ZNF292: variants seen among roughly 807,000 people sequenced by gnomAD.
The protein encoded by ZNF292 is 16 zinc-finger domain protein.
In ZNF292, 26 loss-of-function variants were observed where a neutral mutation model predicts 217.9. That is an observed-to-expected ratio of 0.12 (90% CI 0.09 to 0.17). ZNF292 has a LOEUF of 0.17. Ranked by LOEUF, ZNF292 falls within the 10% of genes least tolerant of loss-of-function variation. ZNF292 has a pLI of 1.00. For synonymous variants in ZNF292, 1,257 were observed against 1,124.1 expected (o/e 1.12, Z -2.37); for missense variants, 2,904 against 3,175.2 (o/e 0.91, Z 2.05).
At chr6:87,182,573 A>G (rs892558210) in intron 1 of ZNF292, among the ~76,000 whole-genome samples, 3 of 152,230 alleles carry the variant, frequency 2.0e-5, no homozygotes, top group African/African-American at 7.2e-5. Flanking sequence ...TTACTAATAG[A>G]TGGTTCATTT....
chr6:87,216,245 T>C lies in ZNF292; in HGVS notation c.324-54T>C, dbSNP rs1478143016. 13 of 1,477,206 alleles carry C rather than the reference T, an allele frequency of 8.8e-6. No homozygotes were observed. The Admixed American group carries it at 1.8e-4, about 21-fold the overall frequency. 91.5% of individuals were successfully genotyped at this position (1,477,206 alleles called of 1,614,324 possible). The stretch of plus-strand genomic sequence containing the variant: ...GATACTAGAATTACTGGTTTTATAA[T>C]TTCCTTTGAATTTTAATAATTATTC... On this transcript the variant is annotated intron_variant, in intron 2 of 7. Transcript: ENST00000369577.
rs184061976 is a variant in ZNF292 at position 87,228,981 on chromosome 6, G to A, written c.539-4344G>A. ...CCATTGAGATTTTCATAGAGATTGTGTTAAGTCTATAGATTGCTTTGCCTA... is the reference window on the plus strand; with the variant it reads ...CCATTGAGATTTTCATAGAGATTGTATTAAGTCTATAGATTGCTTTGCCTA... On this transcript the variant is annotated intron_variant, in intron 4 of 7. Transcript: ENST00000369577. 9.3e-4 allele frequency among the ~76,000 whole-genome samples: 141 copies of A among 152,132 alleles called. 1 individual carries two copies. Among genetic ancestry groups the A allele is most frequent in the African/African-American group, 3.4e-3 (140 of 41,456 alleles).
intron 1 of ZNF292, among the ~76,000 whole-genome samples, chr6:87,207,743 C>A (rs779220609): frequency 6.6e-6 from 1 of 152,098 alleles, no homozygotes; most frequent in African/African-American, 2.4e-5. Context: ...AATTCTCCCT[C>A]AATTGTTTAA....
intron 1 of ZNF292, among the ~76,000 whole-genome samples, chr6:87,168,670 A>T (rs924833651): frequency 1.3e-5 from 2 of 152,108 alleles, no homozygotes; most frequent in African/African-American, 4.8e-5. Context: ...GAGTTTCACC[A>T]TGTTCGCCAG....
chr6:87,218,784 A>T, intron 4 of ZNF292, 53 bp downstream of exon 4: 1 of 1,497,410 alleles, frequency 6.7e-7, no homozygotes, highest in Non-Finnish European at 8.9e-7. Flanking sequence ...AGAAAAAATA[A>T]GTGTTAAAGT....
chr6:87,163,246 G>A (rs1281655917), intron 1 of ZNF292, among the ~76,000 whole-genome samples: 1 of 152,044 alleles, frequency 6.6e-6, no homozygotes, highest in Non-Finnish European at 1.5e-5. Flanking sequence ...AGTCAGGAGA[G>A]CGAGACCATC....
rs1022014990 is a variant in ZNF292, at chr6:87,262,716, TAAATA to T, written c.*920_*924del. ...TTTGTGAAGTAGCCCAGTATTGCCT[TAAATA>T]AAATCACATTTCATTTCTTGTTTTA... On this transcript the variant is annotated 3_prime_UTR_variant, in exon 8 of 8. Coordinates refer to ENST00000369577, the MANE Select transcript of ZNF292 (RefSeq NM_015021.3). The T allele has an allele frequency of 2.0e-5, 3 of 152,048 alleles. No individual in the cohort carries two copies. Among genetic ancestry groups the T allele is most frequent in the African/African-American group, 7.2e-5 (3 of 41,450 alleles). The allele number at this position is 152,048 out of a possible 1,614,324, so 9.4% of individuals were successfully genotyped here.
rs372438707 is a variant in ZNF292, at chr6:87,216,280, C to T, written c.324-19C>T. The stretch of plus-strand genomic sequence containing the variant: ...ATTTTAATAATTATTCCTCTCCTTA[C>T]CAACTTTTTGTTTTTTAGAAGCTGT... On this transcript the variant is annotated intron_variant, in intron 2 of 7. Coordinates refer to ENST00000369577, the MANE Select transcript of ZNF292 (RefSeq NM_015021.3). The T allele has an allele frequency of 1.5e-5, 23 of 1,555,986 alleles. No homozygotes were observed. Among genetic ancestry groups the T allele is most frequent in the Non-Finnish European group, 2.0e-5 (23 of 1,146,938 alleles).
At chr6:87,210,735 A>G (rs949926809) in intron 1 of ZNF292, among the ~76,000 whole-genome samples, 2 of 152,080 alleles carry the variant, frequency 1.3e-5, no homozygotes, top group Non-Finnish European at 2.9e-5. Context: ...AGCCGAGATC[A>G]TGCCACTGCA....
rs368253558 is a variant in ZNF292, at chr6:87,260,531, A to G, written c.6902A>G (p.Asn2301Ser). 5.6e-6 allele frequency: 9 copies of G among 1,613,394 alleles called. No individual in the cohort carries two copies. Among genetic ancestry groups the G allele is most frequent in the Non-Finnish European group, 7.6e-6 (9 of 1,179,634 alleles). ...RPRRLTPGQENMSSKANQEKS... is the reference protein window; with the variant it reads ...RPRRLTPGQESMSSKANQEKS... ...AGAAGATTAACACCAGGCCAGGAAAATATGTCAAGCAAGGCAAACCAAGAA... is the reference window on the plus strand; with the variant it reads ...AGAAGATTAACACCAGGCCAGGAAAGTATGTCAAGCAAGGCAAACCAAGAA... Residue 2301 changes from asparagine (N) to serine (S), a missense_variant, in exon 8 of 8, where the codon AAT becomes AGT. Physicochemically the swap from Asn to Ser is conservative, Grantham distance 46. Transcript: ENST00000369577.
intron 4 of ZNF292, among the ~76,000 whole-genome samples, chr6:87,231,726 G>A (rs1294842856): frequency 1.3e-5 from 2 of 152,146 alleles, no homozygotes; most frequent in African/African-American, 4.8e-5. Flanking sequence ...CATCAGTTTT[G>A]TGAAATACTT....
intron 1 of ZNF292, among the ~76,000 whole-genome samples, chr6:87,197,421 GTTT>G (rs71014999): frequency 3.5e-5 from 5 of 141,586 alleles, no homozygotes; most frequent in Non-Finnish European, 3.1e-5. Context: ...TAACATTTGG[GTTT>G]TTTTTTTTTT....
At chr6:87,169,147 ATTC>A (rs1562120356) in intron 1 of ZNF292, among the ~76,000 whole-genome samples, 1 of 151,842 alleles carries the variant, frequency 6.6e-6, no homozygotes, top group Non-Finnish European at 1.5e-5. Flanking sequence ...GGTTCAAGCG[ATTC>A]TTGTGACTCA....
Position 87,258,310 on chromosome 6 carries a change from A to G in ZNF292, c.4681A>G (p.Ile1561Val), listed in dbSNP as rs746821675. 2 of 1,613,524 alleles carry G rather than the reference A, an allele frequency of 1.2e-6. No individual in the cohort carries two copies. The highest frequency in any genetic ancestry group is 1.1e-5 in the South Asian group (1 of 91,032). The change falls in exon 8 of 8, where the codon ATT (isoleucine) becomes GTT (valine). Residue 1561 changes from isoleucine (I) to valine (V), a missense_variant. Coordinates refer to ENST00000369577, the MANE Select transcript of ZNF292 (RefSeq NM_015021.3). ...NRTSNSKTSS[I>V]EECSSLPVFP... ...GACGTCAAACTCCAAAACTTCCTCC[A>G]TTGAGGAATGTAGCAGCTTGCCTGT...
chr6:87,165,497 C>G (rs1397229763), intron 1 of ZNF292, among the ~76,000 whole-genome samples: 1 of 152,184 alleles, frequency 6.6e-6, no homozygotes, highest in Admixed American at 6.5e-5. Context: ...AAAATGACCA[C>G]AAAACCATAC....
At chr6:87,246,394 A>ATAC (rs1485435625) in intron 7 of ZNF292, among the ~76,000 whole-genome samples, 3 of 152,246 alleles carry the variant, frequency 2.0e-5, no homozygotes, top group African/African-American at 7.2e-5. Flanking sequence ...TTTAGTGTAT[A>ATAC]GCAGCTGAGA....
intron 1 of ZNF292, among the ~76,000 whole-genome samples, chr6:87,191,483 A>G (rs1319524501): frequency 6.6e-6 from 1 of 152,148 alleles, no homozygotes; most frequent in East Asian, 1.9e-4. Context: ...GTGTCTTTAC[A>G]TGTATGTGGC....
intron 5 of ZNF292, among the ~76,000 whole-genome samples, chr6:87,238,955 C>T (rs1170386137): frequency 6.6e-6 from 1 of 152,162 alleles, no homozygotes; most frequent in African/African-American, 2.4e-5. Context: ...CCATTTAACC[C>T]TGAGTGGACA....
rs141524290 is a variant in ZNF292, at chr6:87,192,777, A to G, written c.169-23126A>G. Among the ~76,000 whole-genome samples the G allele has an allele frequency of 2.2e-3, 330 of 152,310 alleles. 3 individuals carry two copies. Among genetic ancestry groups the G allele is most frequent in the Non-Finnish European group, 2.5e-3 (167 of 68,024 alleles). ...GTAACTGTATCACAGTTTATTCATT[A>G]ATTCTCTACTGATGAACGTTTACTT... On this transcript the variant is annotated intron_variant, in intron 1 of 7. Transcript: ENST00000369577.
Sources: allele counts gnomAD v4.1 joint callset (sites outside exome capture counted in the v4.1 genomes callset), GRCh38; gene constraint gnomAD v4.1.1; transcripts MANE v1.5; gene names NCBI Gene and HGNC (gene_info 2026-07-23, HGNC 2026-07-21).